The following CNTN3 variants were observed in gnomAD, a reference collection of about 807,000 sequenced individuals.
The protein encoded by CNTN3 is contactin 3.
In CNTN3, 60 loss-of-function variants were observed where a neutral mutation model predicts 119.1. That is an observed-to-expected ratio of 0.50 (90% CI 0.41 to 0.62). CNTN3 has a LOEUF of 0.62. CNTN3 is among the 20% of genes least tolerant of loss of function. The probability of loss-of-function intolerance (pLI) is 0.00; values close to 1 mark genes in which losing one functional copy is unlikely to be tolerated. For missense variants in CNTN3, 1,101 were observed against 1,242.4 expected, an observed-to-expected ratio of 0.89 and a Z score of 1.71; for synonymous variants, 450 against 438.7, an observed-to-expected ratio of 1.03 and a Z score of -0.32.
rs75139088 is a variant in CNTN3 at position 74,448,560 on chromosome 3, G to A, written c.359-23620C>T. Among the ~76,000 whole-genome samples the A allele has an allele frequency of 7.1e-3, 1,084 of 152,236 alleles. 15 individuals are homozygous for A. Among genetic ancestry groups the A allele is most frequent in the African/African-American group, 0.025 (1,040 of 41,556 alleles). On this transcript the variant is annotated intron_variant, in intron 4 of 22. Transcript: ENST00000263665. ...AAGACAGAATGACACCTGCTAACCT[G>A]AGGAACTTATAAATTATTTAGCTTG... is the stretch of plus-strand genomic sequence containing the variant.
At chr3:74,572,646 G>T (rs1704353206) in intron 1 of CNTN3, among the ~76,000 whole-genome samples, 1 of 152,128 alleles carries the variant, frequency 6.6e-6, no homozygotes. Flanking sequence ...GATTTTCTCT[G>T]TAACAGCCAG....
intron 1 of CNTN3, among the ~76,000 whole-genome samples, chr3:74,606,997 A>G (rs1443522619): frequency 6.6e-6 from 1 of 152,182 alleles, no homozygotes; most frequent in Non-Finnish European, 1.5e-5. Context: ...AAAAGGAGAA[A>G]CTTGGGCCTG....
At chr3:74,395,685 G>T (rs768569927) in intron 5 of CNTN3, among the ~76,000 whole-genome samples, 2 of 152,082 alleles carry the variant, frequency 1.3e-5, no homozygotes, top group Non-Finnish European at 2.9e-5. Flanking sequence ...AAAGTATTTA[G>T]CAGAGAGGTT....
intron 4 of CNTN3, among the ~76,000 whole-genome samples, chr3:74,461,514 A>C (rs1480045830): frequency 6.6e-6 from 1 of 152,070 alleles, no homozygotes; most frequent in African/African-American, 2.4e-5. Context: ...TTGGTGCTAC[A>C]TACTTTCTAG....
At chr3:74,544,703 A>C (rs1052451446) in intron 1 of CNTN3, among the ~76,000 whole-genome samples, 1 of 152,082 alleles carries the variant, frequency 6.6e-6, no homozygotes, top group Non-Finnish European at 1.5e-5. Flanking sequence ...GGTTCAAGCG[A>C]TTCTCCTGCC....
chr3:74,504,741 T>C (rs1703223149), intron 2 of CNTN3, among the ~76,000 whole-genome samples: 1 of 150,560 alleles, frequency 6.6e-6, no homozygotes, highest in African/African-American at 2.4e-5. Context: ...CCTTTCACTG[T>C]GGAGACTGAA....
At chr3:74,482,047 C>T (rs1206506316) in intron 4 of CNTN3, among the ~76,000 whole-genome samples, 2 of 151,728 alleles carry the variant, frequency 1.3e-5, no homozygotes. Flanking sequence ...AAACTCCAAG[C>T]CTAAGTTACA....
Position 74,486,390 on chromosome 3 carries a change from G to T in CNTN3, c.358+66C>A, listed in dbSNP as rs142296435. On this transcript the variant is annotated intron_variant, in intron 4 of 22. Coordinates refer to ENST00000263665, the MANE Select transcript of CNTN3 (RefSeq NM_020872.3). Reference sequence around the variant, plus strand: ...ATGTATTATTTCTGAAATCCAAAACGACTACACAAATTAAGTTACATATTT... The same window carrying T: ...ATGTATTATTTCTGAAATCCAAAACTACTACACAAATTAAGTTACATATTT... 7 of 1,395,132 alleles carry T rather than the reference G, an allele frequency of 5.0e-6. No homozygotes were observed. The East Asian group carries it at 7.2e-5, about 14-fold the overall frequency. The allele number at this position is 1,395,132 out of a possible 1,614,324, so 86.4% of individuals were successfully genotyped here. A position where few individuals can be genotyped will look rare whatever the true frequency, so the allele number is the denominator to read the frequency against.
At chr3:74,500,066 C>G (rs1703139329) in intron 2 of CNTN3, among the ~76,000 whole-genome samples, 2 of 152,046 alleles carry the variant, frequency 1.3e-5, no homozygotes, top group African/African-American at 4.8e-5. Context: ...CAAACTACAT[C>G]TAAGTGTAGA....
At chr3:74,506,737 GAA>G (rs35051185) in intron 2 of CNTN3, among the ~76,000 whole-genome samples, 6 of 13,756 alleles carry the variant, frequency 4.4e-4, no homozygotes, top group African/African-American at 9.7e-4. Context: ...CCATTTATCT[GAA>G]AAAAAAAAAA....
At chr3:74,584,106 G>A (rs1030627446) in intron 1 of CNTN3, among the ~76,000 whole-genome samples, 1 of 152,062 alleles carries the variant, frequency 6.6e-6, no homozygotes, top group Admixed American at 6.5e-5. Context: ...TAATATTAAC[G>A]AAAATATTGT....
chr3:74,593,978 T>C (rs1704746562), intron 1 of CNTN3, among the ~76,000 whole-genome samples: 1 of 151,884 alleles, frequency 6.6e-6, no homozygotes, highest in Non-Finnish European at 1.5e-5. Flanking sequence ...AGACTTTGAA[T>C]GGAGGCCACA....
At chr3:74,391,557 CTTTTTTTTTTT>C (rs554976641) in intron 5 of CNTN3, among the ~76,000 whole-genome samples, 3 of 87,026 alleles carry the variant, frequency 3.4e-5, no homozygotes, top group East Asian at 3.5e-4. Flanking sequence ...CCCATAGTTT[CTTTTTTTTTTT>C]TTTTTTTTTT....
intron 4 of CNTN3, among the ~76,000 whole-genome samples, chr3:74,469,818 T>G (rs1474957193): frequency 6.6e-6 from 1 of 152,038 alleles, no homozygotes; most frequent in Non-Finnish European, 1.5e-5. Flanking sequence ...AAATGTAGAG[T>G]TATCCTAAAA....
intron 1 of CNTN3, among the ~76,000 whole-genome samples, chr3:74,606,795 C>T (rs1200048663): frequency 2.0e-5 from 3 of 151,972 alleles, no homozygotes; most frequent in Admixed American, 6.6e-5. Flanking sequence ...CACAATATAA[C>T]GAAACCCATA....
At chr3:74,568,917 T>C (rs947978126) in intron 1 of CNTN3, among the ~76,000 whole-genome samples, 1 of 152,178 alleles carries the variant, frequency 6.6e-6, no homozygotes, top group African/African-American at 2.4e-5. Context: ...AATGTGCTTT[T>C]CTGACACGAC....
intron 1 of CNTN3, among the ~76,000 whole-genome samples, chr3:74,533,868 T>G (rs1417991485): frequency 6.6e-6 from 1 of 152,032 alleles, no homozygotes; most frequent in Non-Finnish European, 1.5e-5. Flanking sequence ...GGGTAGCCAC[T>G]TGCTGGGGAG....
chr3:74,611,638 A>T (rs914488150), intron 1 of CNTN3, among the ~76,000 whole-genome samples: 36 of 152,228 alleles, frequency 2.4e-4, no homozygotes, highest in African/African-American at 7.5e-4. Flanking sequence ...TTCTCTTGCC[A>T]ACTATCTTTG....
At chr3:74,429,625 G>A (rs1464060851) in intron 4 of CNTN3, among the ~76,000 whole-genome samples, 6 of 151,988 alleles carry the variant, frequency 3.9e-5, no homozygotes, top group African/African-American at 2.4e-5. Context: ...TTAAAAGGAA[G>A]GACCAATAAA....
Sources: gnomAD v4.1 joint callset for allele counts (sites outside exome capture counted in the v4.1 genomes callset) on GRCh38, gnomAD v4.1.1 for gene constraint, MANE v1.5 for transcripts, NCBI Gene and HGNC (gene_info 2026-07-23, HGNC 2026-07-21) for gene names.